Variants in ATP5ME observed in about 807,000 individuals in gnomAD.
ATP5ME encodes ATP synthase F(0) complex subunit e, mitochondrial.
In ATP5ME, 10 loss-of-function variants were observed where a neutral mutation model predicts 11.6. The ratio of observed to expected loss-of-function variants is 0.86; its 90% CI spans 0.53 to 1.46. The LOEUF is 1.46. Among genes scored for constraint, ATP5ME ranks in the 40% most tolerant of loss-of-function variants. ATP5ME has a pLI of 0.00. For synonymous variants in ATP5ME, 45 were observed against 33.5 expected (o/e 1.34, Z -1.19); for missense variants, 115 against 85.4 (o/e 1.35, Z -1.37).
chr4:672,878 G>A (rs1738592103), intron 3 of ATP5ME, among the ~76,000 whole-genome samples: 1 of 152,230 alleles, frequency 6.6e-6, no homozygotes, highest in South Asian at 2.1e-4. Context: ...TTTCTGAGTA[G>A]CTGGGATTAC....
rs1249978880 is a variant in ATP5ME, at chr4:673,879, G to C, written c.91+33C>G. On this transcript the variant is annotated intron_variant, in intron 2 of 3. Coordinates refer to ENST00000304312, the MANE Select transcript of ATP5ME (RefSeq NM_007100.4). ...AGGAGCTCCACAGGAAAGCCGAGCA[G>C]ACCCCGCCCCGGCCCCGCCCGCGGT... is the stretch of plus-strand genomic sequence containing the variant. 4 of 1,544,588 alleles carry C rather than the reference G, an allele frequency of 2.6e-6. No individual in the cohort carries two copies. In the African/African-American group the frequency reaches 5.5e-5, roughly 21 times the overall value.
intron 3 of ATP5ME, 34 bp downstream of exon 3, chr4:673,269 A>T: frequency 6.2e-7 from 1 of 1,614,072 alleles, no homozygotes; most frequent in Admixed American, 1.7e-5. Context: ...CAAACCTGGG[A>T]GGGACAATCT....
At position 674,262 on chromosome 4, in the gene ATP5ME, C is replaced by G. The variant is rs771338503; in HGVS notation, c.-15G>C. The G allele has an allele frequency of 4.3e-6, 7 of 1,611,398 alleles. No homozygotes were observed. Among genetic ancestry groups the G allele is most frequent in the Admixed American group, 3.3e-5 (2 of 59,916 alleles). ...GGTGGCACCATCTTGTCCCTGACCT[C>G]CGCACCGGAAGCACAACCTGCAGAC... On this transcript the variant is annotated 5_prime_UTR_variant, in exon 1 of 4. Coordinates refer to ENST00000304312, the MANE Select transcript of ATP5ME (RefSeq NM_007100.4).
chr4:673,583 G>C, intron 2 of ATP5ME, 182 bp from the exon 3 acceptor site: 1 of 1,100,150 alleles, frequency 9.1e-7, no homozygotes, highest in South Asian at 1.6e-5. Context: ...AGAGGCTACA[G>C]GGCCCCTGCT....
intron 3 of ATP5ME, 95 bp from the exon 4 acceptor site, chr4:672,614 TTTG>T: frequency 1.1e-5 from 15 of 1,398,364 alleles, no homozygotes; most frequent in Admixed American, 2.2e-5. Context: ...TTTTTTTTTT[TTTG>T]TTTTGAGACG....
intron 3 of ATP5ME, 21 bp from the exon 4 acceptor site, chr4:672,540 G>GA: frequency 6.2e-7 from 1 of 1,611,704 alleles, no homozygotes; most frequent in Non-Finnish European, 8.5e-7. Context: ...AAGGTTAGAA[G>GA]AAAAGCACAT....
chr4:673,386 C>T lies in ATP5ME; in HGVS notation c.107G>A (p.Arg36Gln), dbSNP rs747922163. The change falls in exon 3 of 4, where the codon CGG (arginine) becomes CAG (glutamine). Residue 36 changes from arginine (R) to glutamine (Q), a missense_variant. Arg to Gln is a conservative substitution (Grantham distance 43). Coordinates refer to ENST00000304312, the MANE Select transcript of ATP5ME (RefSeq NM_007100.4). Reference protein sequence around the residue: ...GATRYNYLKPRAEEERRIAAE... With the variant: ...GATRYNYLKPQAEEERRIAAE... ...TGCTATCCTCCTCTCCTCTTCTGCC[C>T]GAGGTTTTAGGTAATCTGTTTGGCG... is the stretch of plus-strand genomic sequence containing the variant. 28 of 1,613,948 alleles carry T rather than the reference C, an allele frequency of 1.7e-5. No individual in the cohort carries two copies. In the African/African-American group the frequency reaches 2.5e-4, roughly 15 times the overall value.
chr4:672,596 A>ATTTTTTTTTTTTTTTTT (rs367766081), intron 3 of ATP5ME, 77 bp from the exon 4 acceptor site: 6 of 1,133,130 alleles, frequency 5.3e-6, no homozygotes, highest in South Asian at 1.6e-5. Context: ...CTTCCCAGTT[A>ATTTTTTTTTTTTTTTTT]TTTTTTTTTT....
At position 672,448 on chromosome 4, in the gene ATP5ME, C is replaced by G; in HGVS notation, c.*52G>C. 6.2e-7 allele frequency: 1 copy of G among 1,612,200 alleles called. No homozygotes were observed. The highest frequency in any genetic ancestry group is 8.5e-7 in the Non-Finnish European group (1 of 1,178,866). On this transcript the variant is annotated 3_prime_UTR_variant, in exon 4 of 4. Coordinates refer to ENST00000304312, the MANE Select transcript of ATP5ME (RefSeq NM_007100.4). Reference sequence around the variant, plus strand: ...TGAGGAGCCGGAGTATCACACAACACAGGAAGCTTTATTCATCCGCTGCTG... The same window carrying G: ...TGAGGAGCCGGAGTATCACACAACAGAGGAAGCTTTATTCATCCGCTGCTG...
chr4:673,999 A>C, intron 1 of ATP5ME, 33 bp from the exon 2 acceptor site: 1 of 1,530,800 alleles, frequency 6.5e-7, no homozygotes. Flanking sequence ...GCGGCGCGAA[A>C]CGGGGCTCGC....
chr4:673,909 C>T lies in ATP5ME; in HGVS notation c.91+3G>A, dbSNP rs1669279618. The T allele has an allele frequency of 6.5e-7, 1 of 1,546,166 alleles. No homozygotes were observed. The highest frequency in any genetic ancestry group is 8.7e-7 in the Non-Finnish European group (1 of 1,146,860). ...CGCCCCGGCCCCGCCCGCGGTCACT[C>T]ACTGTAGCGCGTGGCTCCGTAGGCC... On this transcript the variant is annotated splice_donor_region_variant and intron_variant, in intron 2 of 3. Transcript: ENST00000304312.
chr4:674,230 C>G lies in ATP5ME; in HGVS notation c.18G>C (p.Gln6His). ...GGATCACCTTGATGAGCGGAGAGAC[C>G]TGCACCGGTGGCACCATCTTGTCCC... MVPPV[Q>H]VSPLIKLGRY... Residue 6 changes from glutamine to histidine, a missense_variant, in exon 1 of 4, where the codon CAG becomes CAC. By Grantham distance (24) the Gln-to-His change is conservative. Coordinates refer to ENST00000304312, the MANE Select transcript of ATP5ME (RefSeq NM_007100.4). The G allele has an allele frequency of 6.2e-7, 1 of 1,611,988 alleles. No individual in the cohort carries two copies. Among genetic ancestry groups the G allele is most frequent in the Non-Finnish European group, 8.5e-7 (1 of 1,179,370 alleles).
chr4:673,625 C>T (rs755764409), intron 2 of ATP5ME: 1 of 810,492 alleles, frequency 1.2e-6, no homozygotes. Context: ...CTCACTCGTC[C>T]TCTGCGAACA....
At position 673,984 on chromosome 4, in the gene ATP5ME, C is replaced by T. The variant is rs1262147508; in HGVS notation, c.37-18G>A. 6.5e-7 allele frequency: 1 copy of T among 1,543,244 alleles called. No individual in the cohort carries two copies. Among genetic ancestry groups the T allele is most frequent in the Non-Finnish European group, 8.7e-7 (1 of 1,146,596 alleles). ...CGGCCGAGCTGCGAAAGAGGTTGGT[C>T]AGAGGCGGCGCGAAACGGGGCTCGC... On this transcript the variant is annotated intron_variant, in intron 1 of 3. Transcript: ENST00000304312.
Position 672,474 on chromosome 4 carries a change from G to A in ATP5ME, c.*26C>T. ...AGGAAGCTTTATTCATCCGCTGCTG[G>A]TCCAAAGAGTGGGTCGCAGGGTCAC... On this transcript the variant is annotated 3_prime_UTR_variant, in exon 4 of 4. Coordinates refer to ENST00000304312, the MANE Select transcript of ATP5ME (RefSeq NM_007100.4). The A allele has an allele frequency of 6.2e-7, 1 of 1,613,904 alleles. No individual in the cohort carries two copies. Among genetic ancestry groups the A allele is most frequent in the Non-Finnish European group, 8.5e-7 (1 of 1,179,914 alleles).
intron 2 of ATP5ME, 100 bp from the exon 3 acceptor site, chr4:673,501 A>C: frequency 6.3e-7 from 1 of 1,581,766 alleles, no homozygotes; most frequent in South Asian, 1.1e-5. Flanking sequence ...TGTAAACCAG[A>C]CGCACCTGCT....
At chr4:673,667 G>C (rs545591552) in intron 2 of ATP5ME, 2 of 757,480 alleles carry the variant, frequency 2.6e-6, no homozygotes, top group Admixed American at 5.0e-5. Context: ...CTCAGCACTC[G>C]AACAGCCATT....
intron 2 of ATP5ME, 67 bp downstream of exon 2, chr4:673,845 A>C: frequency 3.3e-6 from 5 of 1,533,596 alleles, no homozygotes; most frequent in South Asian, 1.2e-5. Context: ...GGAGTTCTCC[A>C]AATAGCACAG....
Position 674,251 on chromosome 4 carries a change from G to T in ATP5ME, c.-4C>A. ...AGACCTGCACCGGTGGCACCATCTTGTCCCTGACCTCCGCACCGGAAGCAC... is the reference window on the plus strand; with the variant it reads ...AGACCTGCACCGGTGGCACCATCTTTTCCCTGACCTCCGCACCGGAAGCAC... On this transcript the variant is annotated 5_prime_UTR_variant, in exon 1 of 4. Coordinates refer to ENST00000304312, the MANE Select transcript of ATP5ME (RefSeq NM_007100.4). The T allele has an allele frequency of 6.2e-7, 1 of 1,611,666 alleles. No homozygotes were observed. The highest frequency in any genetic ancestry group is 8.5e-7 in the Non-Finnish European group (1 of 1,179,256).
Sources: allele counts gnomAD v4.1 joint callset (sites outside exome capture counted in the v4.1 genomes callset), GRCh38; gene constraint gnomAD v4.1.1; transcripts MANE v1.5; gene names NCBI Gene and HGNC (gene_info 2026-07-23, HGNC 2026-07-21).